Variants in FMN1 observed in about 807,000 individuals in gnomAD.
The protein encoded by FMN1 is formin-1.
In FMN1, 110 loss-of-function variants were observed where a neutral mutation model predicts 132.4. The observed-to-expected ratio is 0.83, with a 90% CI of 0.71 to 0.97. The LOEUF is 0.97. Among genes scored for constraint, FMN1 ranks in the 50% least tolerant of loss-of-function variants. FMN1 has a pLI of 0.00. For synonymous variants in FMN1, 722 were observed against 651.7 expected (o/e 1.11, Z -1.64); for missense variants, 1,792 against 1,705.3 (o/e 1.05, Z -0.90).
chr15:32,899,406 A>G (rs2060240619), intron 14 of FMN1, among the ~76,000 whole-genome samples: 1 of 152,190 alleles, frequency 6.6e-6, no homozygotes, highest in Non-Finnish European at 1.5e-5. Flanking sequence ...ACTGGGGCCT[A>G]ATTCTAATTT....
At chr15:32,988,684 G>A (rs1157667416) in intron 7 of FMN1, among the ~76,000 whole-genome samples, 1 of 152,184 alleles carries the variant, frequency 6.6e-6, no homozygotes, top group Non-Finnish European at 1.5e-5. Flanking sequence ...CTAACTAGAA[G>A]TAACCAGACG....
chr15:32,798,178 G>GAACACACACACACACACACA (rs1555457387), intron 19 of FMN1, among the ~76,000 whole-genome samples: 15 of 147,204 alleles, frequency 1.0e-4, no homozygotes, highest in African/African-American at 3.5e-4. Flanking sequence ...TAAGGAAAAC[G>GAACACACACACACACACACA]CACACACACA....
chr15:32,938,027 T>C (rs545772484), intron 9 of FMN1, among the ~76,000 whole-genome samples: 1 of 152,208 alleles, frequency 6.6e-6, no homozygotes, highest in South Asian at 2.1e-4. Context: ...GGAGAATGTA[T>C]TGGAAGTAGA....
intron 9 of FMN1, among the ~76,000 whole-genome samples, chr15:32,956,773 A>G (rs962715391): frequency 6.6e-6 from 1 of 152,202 alleles, no homozygotes; most frequent in Non-Finnish European, 1.5e-5. Context: ...GGGAGCCCAG[A>G]GAAATTATCT....
intron 16 of FMN1, among the ~76,000 whole-genome samples, chr15:32,886,169 A>G (rs2059891492): frequency 1.3e-5 from 2 of 152,176 alleles, no homozygotes; most frequent in East Asian, 1.9e-4. Context: ...TTTTCTTTAA[A>G]TATTTACTGG....
At chr15:33,155,099 C>T (rs1315572517) in intron 3 of FMN1, 54 bp from the exon 4 acceptor site, 13 of 565,974 alleles carry the variant, frequency 2.3e-5, no homozygotes, top group Non-Finnish European at 3.1e-5. Context: ...GCATAAATCA[C>T]ACACCAACAT....
intron 17 of FMN1, among the ~76,000 whole-genome samples, chr15:32,829,298 T>C (rs1168673051): frequency 6.6e-6 from 1 of 152,238 alleles, no homozygotes; most frequent in Non-Finnish European, 1.5e-5. Flanking sequence ...GTTAAAAACA[T>C]GCGCTCCGGC....
chr15:33,089,596 G>C (rs1230606462), intron 4 of FMN1, among the ~76,000 whole-genome samples: 1 of 152,230 alleles, frequency 6.6e-6, no homozygotes, highest in South Asian at 2.1e-4. Flanking sequence ...CTATGTGCCA[G>C]ACACTGTTTT....
At chr15:33,051,059 T>C (rs939989318) in intron 6 of FMN1, among the ~76,000 whole-genome samples, 1 of 152,198 alleles carries the variant, frequency 6.6e-6, no homozygotes, top group African/African-American at 2.4e-5. Flanking sequence ...TGAGAAGCAA[T>C]GTAAGTAACT....
At chr15:32,865,202 G>A (rs1017541114) in intron 16 of FMN1, among the ~76,000 whole-genome samples, 9 of 152,156 alleles carry the variant, frequency 5.9e-5, no homozygotes, top group Non-Finnish European at 4.4e-5. Context: ...GGCAATGGTT[G>A]TACAACTTTG....
At chr15:32,885,670 T>G (rs1023455540) in intron 16 of FMN1, among the ~76,000 whole-genome samples, 3 of 152,206 alleles carry the variant, frequency 2.0e-5, no homozygotes, top group African/African-American at 7.2e-5. Flanking sequence ...ATGCTACGTT[T>G]ACCTGCATAA....
At chr15:32,951,838 C>CA (rs1195347240) in intron 9 of FMN1, among the ~76,000 whole-genome samples, 1 of 152,184 alleles carries the variant, frequency 6.6e-6, no homozygotes, top group Admixed American at 6.5e-5. Flanking sequence ...CTGTGGGGTT[C>CA]AAGAAGCCCC....
At chr15:33,067,075 T>A in intron 5 of FMN1, 1 of 1,614,016 alleles carries the variant, frequency 6.2e-7, no homozygotes, top group Non-Finnish European at 8.5e-7. Flanking sequence ...GAAGTTGGAA[T>A]GACTTCTCTC....
chr15:33,093,363 G>A (rs890298341), intron 4 of FMN1, among the ~76,000 whole-genome samples: 1 of 152,266 alleles, frequency 6.6e-6, no homozygotes, highest in Non-Finnish European at 1.5e-5. Flanking sequence ...TTATTCAAAC[G>A]TGTACTTACC....
chr15:33,154,401 G>A lies in FMN1; in HGVS notation c.514C>T (p.Leu172Phe). 8 of 1,536,078 alleles carry A rather than the reference G, an allele frequency of 5.2e-6. No individual in the cohort carries two copies. Among genetic ancestry groups the A allele is most frequent in the Non-Finnish European group, 7.0e-6 (8 of 1,146,904 alleles). ...SSGRRESFGALPQKRTKRKGR... is the reference protein window; with the variant it reads ...SSGRRESFGAFPQKRTKRKGR... ...TTTCTTTTGGTCCTCTTCTGTGGAA[G>A]GGCCCCAAAGCTCTCTCTCCTTCCA... Residue 172 changes from leucine to phenylalanine, a missense_variant, in exon 4 of 21, where the codon CTT becomes TTT. By Grantham distance (22) the Leu-to-Phe change is conservative. Around this residue, in one of 3 missense-constraint regions of FMN1, gnomAD observed 638 missense variants for 645.2 expected, o/e 0.99. Coordinates refer to ENST00000616417, the MANE Select transcript of FMN1 (RefSeq NM_001277313.2).
chr15:33,079,867 T>C (rs895951569), intron 5 of FMN1, among the ~76,000 whole-genome samples: 4 of 152,204 alleles, frequency 2.6e-5, no homozygotes, highest in African/African-American at 7.2e-5. Flanking sequence ...CTTAAAGCGA[T>C]GAGGAATTTG....
intron 4 of FMN1, among the ~76,000 whole-genome samples, chr15:33,107,047 T>G (rs345775): frequency 2.0e-5 from 3 of 151,828 alleles, no homozygotes; most frequent in East Asian, 1.9e-4. Context: ...TCCAAACTCT[T>G]TATTTTCCTT....
chr15:32,870,940 G>C (rs937077162), intron 16 of FMN1, among the ~76,000 whole-genome samples: 5 of 152,154 alleles, frequency 3.3e-5, no homozygotes, highest in Non-Finnish European at 7.3e-5. Flanking sequence ...TGCTTTAGTA[G>C]AAATGTATTT....
intron 4 of FMN1, among the ~76,000 whole-genome samples, chr15:33,124,550 G>A (rs943295216): frequency 1.3e-4 from 4 of 31,772 alleles, no homozygotes; most frequent in East Asian, 3.8e-3. Context: ...TGTAGCCAGG[G>A]TTGAGTCATC....
Sources: allele counts gnomAD v4.1 joint callset (sites outside exome capture counted in the v4.1 genomes callset), GRCh38; gene constraint gnomAD v4.1.1; regional missense constraint gnomAD v4.1.1; transcripts MANE v1.5; gene names NCBI Gene and HGNC (gene_info 2026-07-23, HGNC 2026-07-21).